The following PRKN variants were observed in gnomAD, a reference collection of about 807,000 sequenced individuals.
PRKN encodes the protein E3 ubiquitin-protein ligase parkin.
PRKN carries 56 observed loss-of-function variants against 59.5 expected under a neutral mutation model. The observed-to-expected ratio is 0.94, with a 90% CI of 0.76 to 1.18. PRKN has a LOEUF of 1.18. Among genes scored for constraint, PRKN ranks in the 50% most tolerant of loss-of-function variants. The probability of loss-of-function intolerance (pLI) is 0.00; values close to 1 mark genes in which losing one functional copy is unlikely to be tolerated. For synonymous variants in PRKN, 250 were observed against 222.1 expected (o/e 1.13, Z -1.12); for missense variants, 657 against 596.4 (o/e 1.10, Z -1.06).
intron 1 of PRKN, among the ~76,000 whole-genome samples, chr6:162,495,918 TC>T (rs1793046365): frequency 6.6e-6 from 1 of 152,072 alleles, no homozygotes; most frequent in Non-Finnish European, 1.5e-5. Flanking sequence ...TCTAGTCCCC[TC>T]CCACATACAC....
chr6:161,882,929 C>T (rs555051203), intron 6 of PRKN, among the ~76,000 whole-genome samples: 2 of 150,958 alleles, frequency 1.3e-5, no homozygotes, highest in East Asian at 2.0e-4. Flanking sequence ...CGCTTGAATC[C>T]GGGAGGTGGA....
chr6:162,543,430 C>G (rs887343995), intron 1 of PRKN, among the ~76,000 whole-genome samples: 1 of 151,946 alleles, frequency 6.6e-6, no homozygotes, highest in East Asian at 1.9e-4. Context: ...TTTTTTCCCT[C>G]CGAGGCCCTC....
intron 2 of PRKN, among the ~76,000 whole-genome samples, chr6:162,408,252 T>C (rs1417770089): frequency 7.3e-5 from 11 of 151,648 alleles, no homozygotes; most frequent in Admixed American, 7.2e-4. Context: ...CAGAAAAAGG[T>C]AATATGCAAG....
intron 1 of PRKN, among the ~76,000 whole-genome samples, chr6:162,686,207 T>C (rs898340245): frequency 2.6e-5 from 4 of 152,208 alleles, no homozygotes; most frequent in Non-Finnish European, 4.4e-5. Context: ...AACTTCACCA[T>C]AAATGTCATG....
Position 162,034,184 on chromosome 6 carries a change from T to TAG in PRKN, c.618+19906_618+19907insCT, listed in dbSNP as rs763053180. 6.7e-3 allele frequency among the ~76,000 whole-genome samples: 817 copies of TAG among 122,788 alleles called. 5 individuals are homozygous for TAG. Among genetic ancestry groups the TAG allele is most frequent in the African/African-American group, 0.018 (540 of 29,770 alleles). 80.6% of individuals were successfully genotyped at this position (122,788 alleles called of 152,430 possible). A position where few individuals can be genotyped will look rare whatever the true frequency, so the allele number is the denominator to read the frequency against. ...GTACACATACATATATATATATATA[T>TAG]ATAGAGAGAGAGAGAGAGAGAGAGA... On this transcript the variant is annotated intron_variant, in intron 5 of 11. Transcript: ENST00000366898.
intron 4 of PRKN, among the ~76,000 whole-genome samples, chr6:162,057,705 A>G (rs182412518): frequency 4.9e-4 from 74 of 152,328 alleles, no homozygotes; most frequent in African/African-American, 1.7e-3. Flanking sequence ...TGCTTTAGCC[A>G]TGCAACTTCT....
At chr6:162,081,908 T>A (rs991945902) in intron 4 of PRKN, among the ~76,000 whole-genome samples, 2 of 152,244 alleles carry the variant, frequency 1.3e-5, no homozygotes, top group South Asian at 2.1e-4. Context: ...AGCTTCTCCA[T>A]CAGCACTCAC....
At position 161,372,760 on chromosome 6, in the gene PRKN, C is replaced by T. The variant is rs1473492892; in HGVS notation, c.1168-12555G>A. ...ATGCCGATGTCGCTAGCCTGCAGAG[C>T]TTCGGAGAACTACTGCTCGCAGAAG... On this transcript the variant is annotated intron_variant, in intron 10 of 11. Transcript: ENST00000366898. This position sits in a 1 kb window ranked among gnomAD's most constrained non-coding sequence, Gnocchi z 4.2. Among the ~76,000 whole-genome samples the T allele has an allele frequency of 6.6e-6, 1 of 151,836 alleles. No individual in the cohort carries two copies. Among genetic ancestry groups the T allele is most frequent in the Non-Finnish European group, 1.5e-5 (1 of 67,980 alleles).
At chr6:162,021,564 A>G (rs942214458) in intron 5 of PRKN, among the ~76,000 whole-genome samples, 9 of 151,416 alleles carry the variant, frequency 5.9e-5, no homozygotes, top group African/African-American at 1.2e-4. Context: ...ATATCCCCAC[A>G]TGCTCAGATA....
chr6:161,388,004 A>G lies in PRKN; in HGVS notation c.1084-1127T>C, dbSNP rs1786342044. On this transcript the variant is annotated intron_variant, in intron 9 of 11. Coordinates refer to ENST00000366898, the MANE Select transcript of PRKN (RefSeq NM_004562.3). The surrounding 1 kb of genome is among the most constrained non-coding windows in gnomAD (Gnocchi z 4.3). The stretch of plus-strand genomic sequence containing the variant: ...GAAGAAAGCTGGAAGAGTGAATGCC[A>G]GAGAGGCTCGTTTAGGGCTGTCTGT... 1.3e-5 allele frequency among the ~76,000 whole-genome samples: 2 copies of G among 152,234 alleles called. No homozygotes were observed. The highest frequency in any genetic ancestry group is 2.4e-5 in the African/African-American group (1 of 41,472).
At chr6:162,153,562 C>G (rs919709892) in intron 4 of PRKN, among the ~76,000 whole-genome samples, 1 of 152,068 alleles carries the variant, frequency 6.6e-6, no homozygotes, top group African/African-American at 2.4e-5. Context: ...TTGGGGTACC[C>G]GCACTTGTTG....
At chr6:162,131,650 A>T (rs528908347) in intron 4 of PRKN, among the ~76,000 whole-genome samples, 12 of 152,318 alleles carry the variant, frequency 7.9e-5, no homozygotes, top group South Asian at 6.2e-4. Flanking sequence ...GGAGAAAATG[A>T]TTATTTTAAT....
Position 161,475,387 on chromosome 6 carries a change from G to A in PRKN, c.1083+73467C>T, listed in dbSNP as rs1462970269. 2.6e-5 allele frequency among the ~76,000 whole-genome samples: 4 copies of A among 152,114 alleles called. No homozygotes were observed. The highest frequency in any genetic ancestry group is 4.4e-5 in the Non-Finnish European group (3 of 68,032). ...AAGGAGGGTACTCATTCTCATGCAT[G>A]GTTTATTGTTCCCAGGTAAACTCAG... is the stretch of plus-strand genomic sequence containing the variant. On this transcript the variant is annotated intron_variant, in intron 9 of 11. Transcript: ENST00000366898. The surrounding 1 kb of genome is among the most constrained non-coding windows in gnomAD (Gnocchi z 5.3).
intron 6 of PRKN, among the ~76,000 whole-genome samples, chr6:161,812,695 C>T (rs772404284): frequency 6.6e-6 from 1 of 152,144 alleles, no homozygotes; most frequent in East Asian, 1.9e-4. Context: ...TATTATCATG[C>T]ACCTACTAAA....
intron 6 of PRKN, among the ~76,000 whole-genome samples, chr6:161,930,529 G>A (rs1277927709): frequency 1.3e-5 from 2 of 152,174 alleles, no homozygotes; most frequent in African/African-American, 4.8e-5. Context: ...ACATGGCTGA[G>A]TACCTCGTTG....
chr6:162,419,788 A>T (rs1788857417), intron 2 of PRKN, among the ~76,000 whole-genome samples: 3 of 151,474 alleles, frequency 2.0e-5, no homozygotes, highest in South Asian at 2.1e-4. Flanking sequence ...AGACAGGGAC[A>T]GGGACAGGGA....
intron 5 of PRKN, among the ~76,000 whole-genome samples, chr6:162,037,515 C>T (rs375079688): frequency 6.6e-6 from 1 of 150,414 alleles, no homozygotes; most frequent in Non-Finnish European, 1.5e-5. Flanking sequence ...TATCTCCAGG[C>T]GGTTTGATTC....
At position 161,410,634 on chromosome 6, in the gene PRKN, G is replaced by A. The variant is rs907941773; in HGVS notation, c.1084-23757C>T. Among the ~76,000 whole-genome samples the A allele has an allele frequency of 5.3e-5, 8 of 152,146 alleles. No homozygotes were observed. The highest frequency in any genetic ancestry group is 1.9e-4 in the African/African-American group (8 of 41,414). ...TTCTGGTGCTCATCGTGGGCCATGC[G>A]TTGGTTACAAGGAAGCAGATGGAGT... On this transcript the variant is annotated intron_variant, in intron 9 of 11. Transcript: ENST00000366898. The surrounding 1 kb of genome is among the most constrained non-coding windows in gnomAD (Gnocchi z 5.3).
chr6:161,526,678 C>T lies in PRKN; in HGVS notation c.1083+22176G>A, dbSNP rs1226626259. ...TGATATAATTTTACATTTACTCATC[C>T]ATTCATTTGCAAATGTTTGCTAAGC... is the stretch of plus-strand genomic sequence containing the variant. On this transcript the variant is annotated intron_variant, in intron 9 of 11. Coordinates refer to ENST00000366898, the MANE Select transcript of PRKN (RefSeq NM_004562.3). The surrounding 1 kb of genome is among the most constrained non-coding windows in gnomAD (Gnocchi z 4.1). Among the ~76,000 whole-genome samples, 1 of 152,004 alleles carries T rather than the reference C, an allele frequency of 6.6e-6. No homozygotes were observed. The highest frequency in any genetic ancestry group is 1.9e-4 in the East Asian group (1 of 5,182).
Sources: allele counts gnomAD v4.1 joint callset (sites outside exome capture counted in the v4.1 genomes callset), GRCh38; gene constraint gnomAD v4.1.1; non-coding constraint Gnocchi (gnomAD v3.1); transcripts MANE v1.5; gene names NCBI Gene and HGNC (gene_info 2026-07-23, HGNC 2026-07-21).